The following ZCWPW2 variants were observed in gnomAD, a reference collection of about 807,000 sequenced individuals.
The protein encoded by ZCWPW2 is zinc finger CW-type and PWWP domain containing 2, also known as zinc finger CW-type PWWP domain protein 2.
A neutral mutation model predicts 46.6 loss-of-function variants in ZCWPW2; 45 were observed. The ratio of observed to expected loss-of-function variants is 0.96; its 90% CI spans 0.76 to 1.24. The LOEUF (loss-of-function observed/expected upper bound fraction) is 1.24, where lower values mean the gene tolerates loss of function less well. ZCWPW2 is among the 50% of genes most tolerant of loss of function. The pLI is 0.00. For synonymous variants in ZCWPW2, 152 were observed against 137.1 expected (o/e 1.11, Z -0.76); for missense variants, 429 against 403.9 (o/e 1.06, Z -0.53).
rs555032265 is a variant in ZCWPW2 at position 28,417,617 on chromosome 3, T to G, written c.332+4217T>G. ...TGAACATCGATGCAGAAATCCTCAA[T>G]AAAATACTGGCAAACCGAATCCAGC... is the stretch of plus-strand genomic sequence containing the variant. On this transcript the variant is annotated intron_variant, in intron 3 of 9. Transcript: ENST00000383768. 2.4e-3 allele frequency among the ~76,000 whole-genome samples: 354 copies of G among 145,152 alleles called. 1 individual carries two copies. The highest frequency in any genetic ancestry group is 8.4e-3 in the African/African-American group (327 of 38,752).
chr3:28,512,019 C>A (rs1407116097), intron 6 of ZCWPW2, among the ~76,000 whole-genome samples: 5 of 152,046 alleles, frequency 3.3e-5, no homozygotes, highest in Non-Finnish European at 1.5e-5. Flanking sequence ...AACAAACACA[C>A]ACATATGGCT....
chr3:28,459,037 G>T (rs139711033), intron 4 of ZCWPW2, among the ~76,000 whole-genome samples: 3 of 152,026 alleles, frequency 2.0e-5, no homozygotes, highest in Non-Finnish European at 2.9e-5. Context: ...TGGTTCCCAG[G>T]CTTGCTGGTC....
intron 3 of ZCWPW2, among the ~76,000 whole-genome samples, chr3:28,423,775 T>C (rs998914856): frequency 6.6e-6 from 1 of 152,106 alleles, no homozygotes; most frequent in Non-Finnish European, 1.5e-5. Context: ...TTGGCTGCTG[T>C]TCTTAGTTCA....
intron 2 of ZCWPW2, among the ~76,000 whole-genome samples, chr3:28,400,232 CA>C (rs1695866484): frequency 1.3e-5 from 2 of 151,532 alleles, no homozygotes; most frequent in African/African-American, 4.8e-5. Flanking sequence ...CCAACAAAGA[CA>C]AAAAACAACA....
At chr3:28,362,037 A>T (rs1205329127) in intron 1 of ZCWPW2, among the ~76,000 whole-genome samples, 3 of 152,152 alleles carry the variant, frequency 2.0e-5, no homozygotes, top group African/African-American at 7.2e-5. Context: ...TATCCAAAAG[A>T]ATTAAAAAGA....
Position 28,413,277 on chromosome 3 carries a change from A to T in ZCWPW2, c.209A>T (p.Asn70Ile). 3 of 1,613,348 alleles carry T rather than the reference A, an allele frequency of 1.9e-6. No individual in the cohort carries two copies. The highest frequency in any genetic ancestry group is 2.5e-6 in the Non-Finnish European group (3 of 1,179,544). ...CFMNTDSRYN[N>I]CSISEEDFPE... ...ATGAACACTGATTCAAGATATAATA[A>T]CTGCTCAATTTCTGAAGAAGACTTC... The change falls in exon 3 of 10, where the codon AAC (asparagine) becomes ATC (isoleucine). Residue 70 changes from asparagine (N) to isoleucine (I), a missense_variant. Transcript: ENST00000383768.
intron 1 of ZCWPW2, among the ~76,000 whole-genome samples, chr3:28,379,971 T>A (rs998437781): frequency 2.0e-5 from 3 of 152,052 alleles, no homozygotes; most frequent in South Asian, 2.1e-4. Flanking sequence ...TTAATTTTTT[T>A]ATTTTTATTT....
chr3:28,465,938 A>T (rs1698805681), intron 4 of ZCWPW2, among the ~76,000 whole-genome samples: 1 of 152,170 alleles, frequency 6.6e-6, no homozygotes, highest in Admixed American at 6.6e-5. Context: ...GATGCCCATC[A>T]TTGGTAGGCT....
chr3:28,457,383 T>A (rs532619922), intron 4 of ZCWPW2, among the ~76,000 whole-genome samples: 1 of 152,284 alleles, frequency 6.6e-6, no homozygotes, highest in East Asian at 1.9e-4. Flanking sequence ...CTATAAAAAA[T>A]AAGCAAATAT....
At chr3:28,423,047 G>T (rs1696857807) in intron 3 of ZCWPW2, among the ~76,000 whole-genome samples, 1 of 151,990 alleles carries the variant, frequency 6.6e-6, no homozygotes, top group Non-Finnish European at 1.5e-5. Context: ...TTAAAATCTG[G>T]TTATTCATTT....
rs555976009 is a variant in ZCWPW2 at position 28,515,706 on chromosome 3, A to G, written c.784+85A>G. ...AGTTGTAGTCCTTTGAAGGAAAAAAAAAGATTTCCTGTGTGTGTGTGTGTG... is the reference window on the plus strand; with the variant it reads ...AGTTGTAGTCCTTTGAAGGAAAAAAGAAGATTTCCTGTGTGTGTGTGTGTG... On this transcript the variant is annotated intron_variant, in intron 8 of 9. Transcript: ENST00000383768. 7 of 1,259,486 alleles carry G rather than the reference A, an allele frequency of 5.6e-6. No individual in the cohort carries two copies. In the Admixed American group the frequency reaches 1.5e-4, roughly 27 times the overall value. The allele number at this position is 1,259,486 out of a possible 1,614,324, so 78.0% of individuals were successfully genotyped here. A position where few individuals can be genotyped will look rare whatever the true frequency, so the allele number is the denominator to read the frequency against.
chr3:28,349,880 C>G (rs1395032695), intron 1 of ZCWPW2, among the ~76,000 whole-genome samples: 1 of 152,152 alleles, frequency 6.6e-6, no homozygotes, highest in Non-Finnish European at 1.5e-5. Context: ...ATGGATTTCA[C>G]TCAAGGGTTT....
chr3:28,423,171 A>G (rs72909013), intron 3 of ZCWPW2, among the ~76,000 whole-genome samples: 201 of 152,054 alleles, frequency 1.3e-3, no homozygotes, highest in African/African-American at 4.7e-3. Flanking sequence ...TATTCTTTTG[A>G]CAGTGACTTT....
intron 4 of ZCWPW2, among the ~76,000 whole-genome samples, chr3:28,458,047 A>AT (rs975309641): frequency 6.6e-6 from 1 of 152,110 alleles, no homozygotes; most frequent in African/African-American, 2.4e-5. Context: ...AACACCACTT[A>AT]TTTTTTTATG....
chr3:28,374,146 C>A (rs367926710), intron 1 of ZCWPW2, among the ~76,000 whole-genome samples: 1 of 152,068 alleles, frequency 6.6e-6, no homozygotes, highest in Non-Finnish European at 1.5e-5. Flanking sequence ...AGTCTTTAGT[C>A]CATTTTGATT....
intron 1 of ZCWPW2, among the ~76,000 whole-genome samples, chr3:28,386,827 G>GATTTTTGT (rs1695290178): frequency 6.6e-6 from 1 of 152,030 alleles, no homozygotes; most frequent in Non-Finnish European, 1.5e-5. Context: ...TCTTCTCTTT[G>GATTTTTGT]ATTTTTGTGA....
chr3:28,401,606 C>A (rs999485366), intron 2 of ZCWPW2, among the ~76,000 whole-genome samples: 3 of 152,158 alleles, frequency 2.0e-5, no homozygotes, highest in South Asian at 4.1e-4. Flanking sequence ...TTATACAGAA[C>A]ATTTCATCCG....
intron 4 of ZCWPW2, among the ~76,000 whole-genome samples, chr3:28,476,186 T>C (rs1158139837): frequency 6.6e-6 from 1 of 151,654 alleles, no homozygotes; most frequent in Non-Finnish European, 1.5e-5. Context: ...CTAGTAATAG[T>C]AATTTTGGGA....
chr3:28,515,715 CTGTGTGTG>C (rs10539082), intron 8 of ZCWPW2, 94 bp downstream of exon 8: 413 of 665,910 alleles, frequency 6.2e-4, no homozygotes, highest in South Asian at 1.9e-3. Flanking sequence ...AAAAGATTTC[CTGTGTGTG>C]TGTGTGTGTG....
Sources: allele counts gnomAD v4.1 joint callset (sites outside exome capture counted in the v4.1 genomes callset), GRCh38; gene constraint gnomAD v4.1.1; transcripts MANE v1.5; gene names NCBI Gene and HGNC (gene_info 2026-07-23, HGNC 2026-07-21).